SERINC3: variants seen among roughly 807,000 people sequenced by gnomAD.
SERINC3 encodes the protein serine incorporator 3.
Under a neutral mutation model 52.1 loss-of-function variants are expected in SERINC3, and 22 were observed. That is an observed-to-expected ratio of 0.42 (90% CI 0.30 to 0.60). SERINC3 has a LOEUF of 0.60. SERINC3 is among the 20% of genes least tolerant of loss of function. The pLI, the probability that SERINC3 is intolerant of heterozygous loss-of-function variation, is 0.16. For synonymous variants in SERINC3, 226 were observed against 212.7 expected (o/e 1.06, Z -0.54); for missense variants, 564 against 584.6 (o/e 0.96, Z 0.36).
At chr20:44,501,952 C>T (rs1244939242) in intron 8 of SERINC3, among the ~76,000 whole-genome samples, 4 of 152,136 alleles carry the variant, frequency 2.6e-5, no homozygotes, top group African/African-American at 9.7e-5. Context: ...AATACCTTTC[C>T]ATGATAAAAA....
chr20:44,514,315 G>A (rs948380777), intron 1 of SERINC3, among the ~76,000 whole-genome samples: 12 of 152,154 alleles, frequency 7.9e-5, no homozygotes, highest in Non-Finnish European at 1.5e-4. Context: ...TGTATTAAAT[G>A]AGCACTCAAC....
Position 44,504,837 on chromosome 20 carries a change from T to G in SERINC3, c.838A>C (p.Met280Leu). 1.2e-6 allele frequency: 2 copies of G among 1,612,800 alleles called. No individual in the cohort carries two copies. The highest frequency in any genetic ancestry group is 1.7e-6 in the Non-Finnish European group (2 of 1,179,038). Residue 280 changes from methionine to leucine, a missense_variant, in exon 7 of 10, where the codon ATG becomes CTG. Physicochemically the swap from Met to Leu is conservative, Grantham distance 15. Transcript: ENST00000342374. ...LQSSLITLYTMYLTWSAMSNE... is the reference protein window; with the variant it reads ...LQSSLITLYTLYLTWSAMSNE... ...GACATGGCTGACCAGGTGAGGTACA[T>G]AGTGTAGAGGGTGATGAGGGAGGAC...
intron 7 of SERINC3, 48 bp downstream of exon 7, chr20:44,504,753 T>C (rs1470761372): frequency 1.4e-6 from 2 of 1,475,256 alleles, no homozygotes; most frequent in South Asian, 2.4e-5. Context: ...AAAGGCTGAT[T>C]TCCTACTTTC....
At chr20:44,517,142 G>A (rs144311806) in intron 1 of SERINC3, among the ~76,000 whole-genome samples, 2 of 152,190 alleles carry the variant, frequency 1.3e-5, no homozygotes, top group East Asian at 1.9e-4. Flanking sequence ...CCACCTACTC[G>A]AACAGGGTGA....
chr20:44,502,339 C>G (rs934986722), intron 8 of SERINC3, among the ~76,000 whole-genome samples: 2 of 152,174 alleles, frequency 1.3e-5, no homozygotes, highest in Non-Finnish European at 2.9e-5. Flanking sequence ...ATAATCCCAA[C>G]TACTTGAGAG....
At chr20:44,516,744 G>C (rs1568791235) in intron 1 of SERINC3, among the ~76,000 whole-genome samples, 1 of 152,126 alleles carries the variant, frequency 6.6e-6, no homozygotes, top group Non-Finnish European at 1.5e-5. Context: ...GCCCAAGCTG[G>C]AGTACAGTTG....
rs768124514 is a variant in SERINC3 at position 44,513,981 on chromosome 20, C to T, written c.99G>A (p.Lys33=). The T allele has an allele frequency of 1.9e-6, 3 of 1,614,158 alleles. No individual in the cohort carries two copies. Among genetic ancestry groups the T allele is most frequent in the Non-Finnish European group, 2.5e-6 (3 of 1,180,030 alleles). The change falls in exon 2 of 10, where the codon AAG becomes AAA. Residue 33 remains lysine, a synonymous_variant. Transcript: ENST00000342374. ...AAATGAGGCGAGTCACCGTGGAATT[C>T]TTACTGTTAGGACAGCAACTACACA... ...CLLCSCCPNS[K]NSTVTRLIYA... is the part of the protein sequence containing the mutation.
intron 2 of SERINC3, among the ~76,000 whole-genome samples, chr20:44,513,552 A>G (rs2064361507): frequency 6.6e-6 from 1 of 152,212 alleles, no homozygotes; most frequent in East Asian, 1.9e-4. Flanking sequence ...TTCCTGTGAG[A>G]TTTTCCAGCT....
rs975311886 is a variant in SERINC3 at position 44,513,968 on chromosome 20, T to C, written c.112A>G (p.Thr38Ala). 1.2e-6 allele frequency: 2 copies of C among 1,614,020 alleles called. No individual in the cohort carries two copies. Among genetic ancestry groups the C allele is most frequent in the Non-Finnish European group, 1.7e-6 (2 of 1,179,998 alleles). Residue 38 changes from threonine to alanine, a missense_variant, in exon 2 of 10, where the codon ACT becomes GCT. Physicochemically the swap from Thr to Ala is moderately conservative, Grantham distance 58 (BLOSUM62 0). Coordinates refer to ENST00000342374, the MANE Select transcript of SERINC3 (RefSeq NM_006811.4). ...CCPNSKNSTV[T>A]RLIYAFILLL... ...AGAATGAAAGCATAAATGAGGCGAG[T>C]CACCGTGGAATTCTTACTGTTAGGA...
Position 44,500,140 on chromosome 20 carries a change from GC to G in SERINC3, c.*155del. On this transcript the variant is annotated 3_prime_UTR_variant, in exon 10 of 10. Coordinates refer to ENST00000342374, the MANE Select transcript of SERINC3 (RefSeq NM_006811.4). ...ATGAGAAGTTTCGATTCTGCATCAA[GC>G]ATTATTCAATCTCACCTTCTGATAT... The G allele has an allele frequency of 1.4e-6, 1 of 733,976 alleles. No individual in the cohort carries two copies. The highest frequency in any genetic ancestry group is 2.1e-5 in the South Asian group (1 of 48,120). The allele number at this position is 733,976 out of a possible 1,614,324, so 45.5% of individuals were successfully genotyped here. A position where few individuals can be genotyped will look rare whatever the true frequency, so the allele number is the denominator to read the frequency against.
chr20:44,501,369 T>C (rs959578824), intron 8 of SERINC3, 69 bp from the exon 9 acceptor site: 1 of 1,243,252 alleles, frequency 8.0e-7, no homozygotes, highest in African/African-American at 1.5e-5. Flanking sequence ...CACTGGCCTG[T>C]ATACAAGACA....
intron 3 of SERINC3, among the ~76,000 whole-genome samples, chr20:44,512,443 GTTTAAA>G (rs1444934571): frequency 1.3e-5 from 2 of 151,846 alleles, no homozygotes; most frequent in East Asian, 3.9e-4. Context: ...TTTGTACACT[GTTTAAA>G]TTTATCAGGT....
At position 44,497,469 on chromosome 20, in the gene SERINC3, G is replaced by C. The variant is rs1204762560; in HGVS notation, c.*2827C>G. ...TGAGAAAAAAATAAAAACTTTATTG[G>C]ACTTTGTTACATTTATTTTACAGTT... On this transcript the variant is annotated 3_prime_UTR_variant, in exon 10 of 10. Coordinates refer to ENST00000342374, the MANE Select transcript of SERINC3 (RefSeq NM_006811.4). 6.6e-6 allele frequency: 1 copy of C among 152,074 alleles called. No homozygotes were observed. The highest frequency in any genetic ancestry group is 2.4e-5 in the African/African-American group (1 of 41,416). The allele number at this position is 152,074 out of a possible 1,614,324, so 9.4% of individuals were successfully genotyped here.
chr20:44,501,335 G>C, intron 8 of SERINC3, 35 bp from the exon 9 acceptor site: 2 of 1,572,560 alleles, frequency 1.3e-6, no homozygotes, highest in Non-Finnish European at 8.7e-7. Flanking sequence ...AAATCAGAAA[G>C]GGGCCATGAC....
chr20:44,513,645 G>A (rs868052782), intron 2 of SERINC3, among the ~76,000 whole-genome samples: 3 of 152,036 alleles, frequency 2.0e-5, no homozygotes, highest in Non-Finnish European at 4.4e-5. Flanking sequence ...AAATGTTTTG[G>A]AGCCACCCTT....
At chr20:44,507,132 G>A in intron 5 of SERINC3, 136 bp from the exon 6 acceptor site, 2 of 579,614 alleles carry the variant, frequency 3.5e-6, no homozygotes, top group Non-Finnish European at 5.4e-6. Context: ...AAATTACAGA[G>A]GTCTCAAGGT....
chr20:44,504,897 G>A lies in SERINC3; in HGVS notation c.784-6C>T. 6.2e-7 allele frequency: 1 copy of A among 1,610,948 alleles called. No homozygotes were observed. The highest frequency in any genetic ancestry group is 8.5e-7 in the Non-Finnish European group (1 of 1,177,588). On this transcript the variant is annotated splice_polypyrimidine_tract_variant and splice_region_variant and intron_variant, in intron 6 of 9. Transcript: ENST00000342374. ...CCGGAGCGAGGCTGGTGTTCCTATG[G>A]AATCAAAAGGAAAACAGTGGCACAG...
rs1314578450 is a variant in SERINC3, at chr20:44,497,573, G to A, written c.*2723C>T. ...GTTTTTGAAGTTTAGGACCTTTAAAGCTCTTAAGCTGACTCCGCTACTGTA... is the reference window on the plus strand; with the variant it reads ...GTTTTTGAAGTTTAGGACCTTTAAAACTCTTAAGCTGACTCCGCTACTGTA... On this transcript the variant is annotated 3_prime_UTR_variant, in exon 10 of 10. Coordinates refer to ENST00000342374, the MANE Select transcript of SERINC3 (RefSeq NM_006811.4). The A allele has an allele frequency of 1.3e-5, 2 of 152,296 alleles. No homozygotes were observed. The highest frequency in any genetic ancestry group is 2.9e-5 in the Non-Finnish European group (2 of 68,036). The allele number at this position is 152,296 out of a possible 1,614,324, so 9.4% of individuals were successfully genotyped here.
At chr20:44,513,063 A>G in intron 2 of SERINC3, 69 bp from the exon 3 acceptor site, 1 of 1,103,816 alleles carries the variant, frequency 9.1e-7, no homozygotes, top group Non-Finnish European at 1.2e-6. Flanking sequence ...CCACTGCAGG[A>G]AAGCCTGGAT....
Sources: allele counts gnomAD v4.1 joint callset (sites outside exome capture counted in the v4.1 genomes callset), GRCh38; gene constraint gnomAD v4.1.1; transcripts MANE v1.5; gene names NCBI Gene and HGNC (gene_info 2026-07-23, HGNC 2026-07-21).